Variants in GALNTL6 observed in about 807,000 individuals in gnomAD.
The protein encoded by GALNTL6 is polypeptide N-acetylgalactosaminyltransferase like 6, also known as polypeptide N-acetylgalactosaminyltransferase-like 6.
In GALNTL6, 46 loss-of-function variants were observed where a neutral mutation model predicts 73.7. The ratio of observed to expected loss-of-function variants is 0.62; its 90% CI spans 0.49 to 0.80. The LOEUF (loss-of-function observed/expected upper bound fraction) is 0.80, where lower values mean the gene tolerates loss of function less well. Ranked by LOEUF, GALNTL6 falls within the 30% of genes least tolerant of loss-of-function variation. The probability of loss-of-function intolerance (pLI) is 0.00; values close to 1 mark genes in which losing one functional copy is unlikely to be tolerated. For synonymous variants in GALNTL6, 259 were observed against 263.7 expected (o/e 0.98, Z 0.17); for missense variants, 604 against 755.0 (o/e 0.80, Z 2.34).
chr4:172,642,904 C>T (rs976129462), intron 5 of GALNTL6, among the ~76,000 whole-genome samples: 2 of 151,656 alleles, frequency 1.3e-5, no homozygotes. Context: ...AAGCCTCATG[C>T]ATGTCACTTA....
chr4:172,459,964 A>G (rs1732552587), intron 5 of GALNTL6, among the ~76,000 whole-genome samples: 1 of 152,210 alleles, frequency 6.6e-6, no homozygotes, highest in Non-Finnish European at 1.5e-5. Flanking sequence ...ACTTCAAACC[A>G]TACTACAAGT....
intron 2 of GALNTL6, among the ~76,000 whole-genome samples, chr4:172,129,983 G>A (rs1733410416): frequency 1.3e-5 from 2 of 152,096 alleles, no homozygotes; most frequent in Admixed American, 1.3e-4. Flanking sequence ...TTCAAGGATA[G>A]GCACTGCAAT....
chr4:172,679,303 C>T (rs529535852), intron 5 of GALNTL6, among the ~76,000 whole-genome samples: 1 of 151,362 alleles, frequency 6.6e-6, no homozygotes, highest in South Asian at 2.1e-4. Context: ...CGCAGCCACT[C>T]GGGAGGCTGA....
At chr4:172,699,128 C>T (rs1733867342) in intron 5 of GALNTL6, among the ~76,000 whole-genome samples, 1 of 152,102 alleles carries the variant, frequency 6.6e-6, no homozygotes, top group Admixed American at 6.6e-5. Flanking sequence ...TCTCTGGGGA[C>T]TCCTTCATGA....
chr4:172,472,488 C>T (rs1325258198), intron 5 of GALNTL6, among the ~76,000 whole-genome samples: 13 of 152,008 alleles, frequency 8.6e-5, no homozygotes. Context: ...CTTAAACATA[C>T]AAATGTATGT....
At chr4:172,576,078 T>C (rs1021566493) in intron 5 of GALNTL6, among the ~76,000 whole-genome samples, 9 of 152,324 alleles carry the variant, frequency 5.9e-5, no homozygotes, top group Admixed American at 2.6e-4. Context: ...TCTGCTTTTC[T>C]AAGTACTTCT....
chr4:171,836,801 G>A (rs1735106052), intron 2 of GALNTL6, among the ~76,000 whole-genome samples: 2 of 152,014 alleles, frequency 1.3e-5, no homozygotes, highest in Admixed American at 6.6e-5. Flanking sequence ...TTAAATACAA[G>A]CAAATAGATC....
chr4:172,314,966 A>C (rs1740493451), intron 4 of GALNTL6, among the ~76,000 whole-genome samples: 1 of 152,120 alleles, frequency 6.6e-6, no homozygotes, highest in Admixed American at 6.5e-5. Context: ...GTATAAAAAT[A>C]AACTGCTTTT....
At chr4:172,592,710 A>ATCTATCTG (rs1274307645) in intron 5 of GALNTL6, among the ~76,000 whole-genome samples, 21 of 151,760 alleles carry the variant, frequency 1.4e-4, no homozygotes, top group Non-Finnish European at 2.4e-4. Flanking sequence ...CTATCTATCT[A>ATCTATCTG]TCTATCGAGA....
At chr4:172,058,262 C>T (rs552974569) in intron 2 of GALNTL6, among the ~76,000 whole-genome samples, 127 of 152,076 alleles carry the variant, frequency 8.4e-4, no homozygotes, top group African/African-American at 3.0e-3. Flanking sequence ...CTACCCTACA[C>T]TTCTTTTTAA....
chr4:172,150,858 G>A (rs918853241), intron 2 of GALNTL6, among the ~76,000 whole-genome samples: 1 of 152,146 alleles, frequency 6.6e-6, no homozygotes, highest in Admixed American at 6.5e-5. Context: ...AAAACATGTT[G>A]TATTTTAACT....
chr4:173,016,834 A>T (rs1579785775), intron 11 of GALNTL6, among the ~76,000 whole-genome samples: 2 of 152,212 alleles, frequency 1.3e-5, no homozygotes, highest in East Asian at 1.9e-4. Flanking sequence ...GGGCAGAATG[A>T]TATGGTTTGG....
chr4:172,773,096 G>C (rs1027417780), intron 5 of GALNTL6, among the ~76,000 whole-genome samples: 33 of 152,148 alleles, frequency 2.2e-4, no homozygotes, highest in African/African-American at 8.0e-4. Flanking sequence ...AGTCACAAAG[G>C]GGGTTAGGAT....
chr4:172,261,585 T>G (rs1018593374), intron 3 of GALNTL6, among the ~76,000 whole-genome samples: 2 of 151,470 alleles, frequency 1.3e-5, no homozygotes, highest in African/African-American at 4.8e-5. Flanking sequence ...TTGTATTTTT[T>G]TGTTTCAATT....
intron 2 of GALNTL6, among the ~76,000 whole-genome samples, chr4:171,832,614 A>G (rs34287536): frequency 0.16 from 24,188 of 151,614 alleles, 2,054 homozygotes; most frequent in South Asian, 0.28. Flanking sequence ...AAGAATATAA[A>G]ATAAAATAAA....
chr4:171,841,761 C>T (rs1735244737), intron 2 of GALNTL6, among the ~76,000 whole-genome samples: 1 of 151,616 alleles, frequency 6.6e-6, no homozygotes, highest in South Asian at 2.1e-4. Flanking sequence ...AGAAAAAAAC[C>T]TTCTATGCAA....
chr4:172,244,716 C>A (rs1737562342), intron 3 of GALNTL6, among the ~76,000 whole-genome samples: 1 of 152,196 alleles, frequency 6.6e-6, no homozygotes, highest in African/African-American at 2.4e-5. Flanking sequence ...CTCATGCCAT[C>A]AAATCTATTC....
intron 9 of GALNTL6, among the ~76,000 whole-genome samples, chr4:172,944,972 C>A (rs1201791207): frequency 6.6e-6 from 1 of 150,994 alleles, no homozygotes; most frequent in Non-Finnish European, 1.5e-5. Flanking sequence ...GCAGGAGAAT[C>A]ACTTGATCCC....
At chr4:172,966,399 C>T (rs935009572) in intron 10 of GALNTL6, among the ~76,000 whole-genome samples, 1 of 143,218 alleles carries the variant, frequency 7.0e-6, no homozygotes, top group African/African-American at 2.5e-5. Flanking sequence ...GGGAGTCGAT[C>T]TTTTTTTTTT....
Sources: gnomAD v4.1 joint callset for allele counts (sites outside exome capture counted in the v4.1 genomes callset) on GRCh38, gnomAD v4.1.1 for gene constraint, MANE v1.5 for transcripts, NCBI Gene and HGNC (gene_info 2026-07-23, HGNC 2026-07-21) for gene names.